Variants in FUT8 observed in about 807,000 individuals in gnomAD.
FUT8 encodes alpha-(1,6)-fucosyltransferase.
In FUT8, 29 loss-of-function variants were observed where a neutral mutation model predicts 71.3. The observed-to-expected ratio is 0.41, with a 90% CI of 0.30 to 0.55. The LOEUF is 0.55. Ranked by LOEUF, FUT8 falls within the 20% of genes least tolerant of loss-of-function variation. The probability of loss-of-function intolerance (pLI) is 0.34; values close to 1 mark genes in which losing one functional copy is unlikely to be tolerated. For missense variants in FUT8, 544 were observed against 702.1 expected (o/e 0.77, Z 2.55); for synonymous variants, 254 against 239.3 (o/e 1.06, Z -0.57).
At chr14:65,456,567 G>A (rs1428584317) in intron 2 of FUT8, among the ~76,000 whole-genome samples, 1 of 151,048 alleles carries the variant, frequency 6.6e-6, no homozygotes, top group Admixed American at 6.6e-5. Context: ...TTAAAAAAAT[G>A]TGACTCTATG....
intron 3 of FUT8, among the ~76,000 whole-genome samples, chr14:65,602,251 C>T (rs1229200362): frequency 1.4e-5 from 2 of 145,934 alleles, no homozygotes; most frequent in Middle Eastern, 3.2e-3. Flanking sequence ...TTCTGAGTTA[C>T]TTCACTTAGG....
chr14:65,651,248 C>T (rs1038546799), intron 6 of FUT8, among the ~76,000 whole-genome samples: 3 of 152,240 alleles, frequency 2.0e-5, no homozygotes, highest in South Asian at 2.1e-4. Flanking sequence ...GCATCCCTTT[C>T]ATGAAACTGA....
At chr14:65,593,701 C>G (rs1217062464) in intron 3 of FUT8, among the ~76,000 whole-genome samples, 1 of 152,132 alleles carries the variant, frequency 6.6e-6, no homozygotes, top group Non-Finnish European at 1.5e-5. Context: ...TCAGCCTTCC[C>G]GAGTAGCTGG....
intron 2 of FUT8, among the ~76,000 whole-genome samples, chr14:65,516,972 T>G (rs1277535751): frequency 6.6e-6 from 1 of 151,312 alleles, no homozygotes; most frequent in African/African-American, 2.4e-5. Flanking sequence ...ACAAAATATG[T>G]CCTTCTAGGA....
intron 9 of FUT8, among the ~76,000 whole-genome samples, chr14:65,732,669 A>G (rs1896033230): frequency 6.6e-6 from 1 of 152,174 alleles, no homozygotes; most frequent in Admixed American, 6.5e-5. Flanking sequence ...TTATTAGGTA[A>G]GAGTAGATGG....
intron 6 of FUT8, among the ~76,000 whole-genome samples, chr14:65,656,797 CCGG>C (rs1891704523): frequency 6.6e-6 from 1 of 152,052 alleles, no homozygotes; most frequent in Non-Finnish European, 1.5e-5. Flanking sequence ...CAGCATGGTA[CCGG>C]CATATAGACC....
At chr14:65,361,356 C>CAAA in the FUT8 span, among the ~76,000 whole-genome samples, 1 of 64,962 alleles carries the variant, frequency 1.5e-5, no homozygotes, top group Non-Finnish European at 3.2e-5. Context: ...AACTCTGTCT[C>CAAA]AAAAAAAAAA....
rs1044808385 is a variant in FUT8, at chr14:65,550,926, A to C, written c.-227-10411A>C. The stretch of plus-strand genomic sequence containing the variant: ...TAGTGCTGTTGCAGACAATGATGTA[A>C]AGAGTATGTGAATGCATTTTGTTTA... On this transcript the variant is annotated intron_variant, in intron 2 of 10. Coordinates refer to ENST00000673929, the MANE Select transcript of FUT8 (RefSeq NM_001371533.1). This position sits in a 1 kb window ranked among gnomAD's most constrained non-coding sequence, Gnocchi z 4.5. Among the ~76,000 whole-genome samples the C allele has an allele frequency of 6.6e-6, 1 of 152,230 alleles. No individual in the cohort carries two copies. Among genetic ancestry groups the C allele is most frequent in the Non-Finnish European group, 1.5e-5 (1 of 68,040 alleles).
intron 2 of FUT8, among the ~76,000 whole-genome samples, chr14:65,498,573 T>C (rs1260405942): frequency 6.6e-6 from 1 of 152,196 alleles, no homozygotes. Context: ...CTTTAAATAC[T>C]CATAGAATAT....
At chr14:65,465,550 C>T (rs919658520) in intron 2 of FUT8, among the ~76,000 whole-genome samples, 5 of 152,106 alleles carry the variant, frequency 3.3e-5, no homozygotes, top group Non-Finnish European at 7.4e-5. Context: ...TTTTGATCTA[C>T]GAGTTATTTG....
At chr14:65,634,918 TG>T (rs1171588140) in intron 6 of FUT8, among the ~76,000 whole-genome samples, 1 of 152,204 alleles carries the variant, frequency 6.6e-6, no homozygotes, top group Non-Finnish European at 1.5e-5. Context: ...AGATTGCATT[TG>T]GCAGTATGGT....
At chr14:65,414,263 T>G (rs1470293798) in intron 1 of FUT8, among the ~76,000 whole-genome samples, 1 of 152,094 alleles carries the variant, frequency 6.6e-6, no homozygotes, top group African/African-American at 2.4e-5. Flanking sequence ...TGTAGGCAGG[T>G]TTCATTATAG....
intron 3 of FUT8, among the ~76,000 whole-genome samples, chr14:65,614,228 T>A (rs2140215930): frequency 6.6e-6 from 1 of 152,322 alleles, no homozygotes; most frequent in East Asian, 1.9e-4. Context: ...CCAGACTTTT[T>A]GAGATTACAG....
chr14:65,461,630 T>A (rs1461545378), intron 2 of FUT8, among the ~76,000 whole-genome samples: 1 of 152,242 alleles, frequency 6.6e-6, no homozygotes, highest in East Asian at 1.9e-4. Flanking sequence ...TCTGCTCTGT[T>A]AATAACTAGC....
intron 6 of FUT8, among the ~76,000 whole-genome samples, chr14:65,657,369 T>G (rs1266328211): frequency 1.3e-5 from 2 of 152,148 alleles, no homozygotes; most frequent in African/African-American, 2.4e-5. Context: ...TATTTGCACT[T>G]CCATGTTTAC....
intron 2 of FUT8, among the ~76,000 whole-genome samples, chr14:65,475,986 C>G (rs1432985537): frequency 1.3e-5 from 2 of 152,016 alleles, no homozygotes; most frequent in African/African-American, 4.8e-5. Flanking sequence ...TTAATGGGTG[C>G]CTTTTAGTTG....
chr14:65,385,451 G>T, the FUT8 span, among the ~76,000 whole-genome samples: 1 of 152,098 alleles, frequency 6.6e-6, no homozygotes, highest in Non-Finnish European at 1.5e-5. Flanking sequence ...ATATAGAAAA[G>T]GCTGTGAGAT....
intron 7 of FUT8, among the ~76,000 whole-genome samples, chr14:65,678,660 C>G (rs1472262354): frequency 1.3e-5 from 2 of 152,192 alleles, no homozygotes; most frequent in Non-Finnish European, 2.9e-5. Context: ...TGTGAAGCCT[C>G]TACTCTGTGG....
At chr14:65,410,729 T>C (rs2065113556), upstream of FUT8, 1 of 152,088 alleles carries the variant, frequency 6.6e-6, no homozygotes, top group African/African-American at 2.4e-5. Context: ...TATTATACAG[T>C]GTAAACTATC....
Sources: allele counts gnomAD v4.1 joint callset (sites outside exome capture counted in the v4.1 genomes callset), GRCh38; gene constraint gnomAD v4.1.1; non-coding constraint Gnocchi (gnomAD v3.1); transcripts MANE v1.5; gene names NCBI Gene and HGNC (gene_info 2026-07-23, HGNC 2026-07-21).